The following ATP1A2 variants were observed in gnomAD, a reference collection of about 807,000 sequenced individuals.
The protein encoded by ATP1A2 is sodium/potassium-transporting ATPase subunit alpha-2.
ATP1A2 carries 56 observed loss-of-function variants against 113.1 expected under a neutral mutation model. The ratio of observed to expected loss-of-function variants is 0.49; its 90% CI spans 0.40 to 0.62. The LOEUF (loss-of-function observed/expected upper bound fraction) is 0.62. Ranked by LOEUF, ATP1A2 falls within the 20% of genes least tolerant of loss-of-function variation. The pLI, the probability that ATP1A2 is intolerant of heterozygous loss-of-function variation, is 0.00. For synonymous variants in ATP1A2, 490 were observed against 526.8 expected, an observed-to-expected ratio of 0.93 and a Z score of 0.96; for missense variants, 712 against 1,357.8, an observed-to-expected ratio of 0.52 and a Z score of 7.47.
chr1:160,119,256 CAAAAAA>C lies in ATP1A2; in HGVS notation c.13-1628_13-1623del, dbSNP rs386368465. ...AAACCCCCAAAACTGCATTATCCTG[CAAAAAA>C]AAAAAAAAAAAAAAAAAAAAAGCAA... On this transcript the variant is annotated intron_variant, in intron 1 of 22. Coordinates refer to ENST00000361216, the MANE Select transcript of ATP1A2 (RefSeq NM_000702.4). 7.8e-3 allele frequency among the ~76,000 whole-genome samples: 385 copies of C among 49,424 alleles called. 3 individuals are homozygous for C. The highest frequency in any genetic ancestry group is 0.022 in the African/African-American group (218 of 10,050). 32.4% of individuals were successfully genotyped at this position (49,424 alleles called of 152,430 possible). A position where few individuals can be genotyped will look rare whatever the true frequency, so the allele number is the denominator to read the frequency against.
intron 13 of ATP1A2, among the ~76,000 whole-genome samples, chr1:160,131,809 C>T (rs1651784221): frequency 6.7e-6 from 1 of 149,028 alleles, no homozygotes; most frequent in African/African-American, 2.5e-5. Context: ...CCAGCCTAGG[C>T]GACAAGAGCA....
At chr1:160,127,379 C>T (rs951010396) in intron 7 of ATP1A2, among the ~76,000 whole-genome samples, 173 bp from the exon 8 acceptor site, 6 of 152,208 alleles carry the variant, frequency 3.9e-5, no homozygotes, top group Non-Finnish European at 7.3e-5. Flanking sequence ...CAAGGATTGG[C>T]GATCTATCCA....
rs1424933764 is a variant in ATP1A2, at chr1:160,135,430, C to A, written c.2116-4C>A. On this transcript the variant is annotated splice_region_variant and splice_polypyrimidine_tract_variant and intron_variant, in intron 15 of 22. Coordinates refer to ENST00000361216, the MANE Select transcript of ATP1A2 (RefSeq NM_000702.4). This position sits in a 1 kb window ranked among gnomAD's most constrained non-coding sequence, Gnocchi z 6.3. ...GTCCTCAAGTGTGGCCGTCTTCCCT[C>A]CAGGGAGCCATTGTGGCCGTGACGG... 6.2e-7 allele frequency: 1 copy of A among 1,614,148 alleles called. No homozygotes were observed. Among genetic ancestry groups the A allele is most frequent in the South Asian group, 1.1e-5 (1 of 91,070 alleles).
Position 160,136,641 on chromosome 1 carries a change from C to T in ATP1A2, c.2635C>T (p.Arg879Trp), listed in dbSNP as rs753568745. Residue 879 changes from arginine to tryptophan, a missense_variant, in exon 19 of 23, where the codon CGG becomes TGG. Physicochemically the swap from Arg to Trp is moderately radical, Grantham distance 101. Around this residue, in one of 6 missense-constraint regions of ATP1A2, gnomAD observed 188 missense variants for 438.9 expected, o/e 0.43. Transcript: ENST00000361216. ...GGCAGAGAACGGTTTCCTGCCATCA[C>T]GGCTACTGGGAATCCGCCTCGACTG... Reference protein sequence around the residue: ...ILAENGFLPSRLLGIRLDWDD... With the variant: ...ILAENGFLPSWLLGIRLDWDD... 8.1e-6 allele frequency: 13 copies of T among 1,614,244 alleles called. No individual in the cohort carries two copies. Among genetic ancestry groups the T allele is most frequent in the Non-Finnish European group, 1.0e-5 (12 of 1,180,040 alleles).
intron 6 of ATP1A2, 112 bp from the exon 7 acceptor site, chr1:160,125,024 C>A (rs1651539833): frequency 1.2e-6 from 1 of 863,998 alleles, no homozygotes; most frequent in Admixed American, 1.8e-5. Context: ...GCAAGTGTGA[C>A]TTTGTTCCTC....
At chr1:160,122,420 G>GA (rs112709297) in intron 3 of ATP1A2, among the ~76,000 whole-genome samples, 36,086 of 137,004 alleles carry the variant, frequency 0.26, 4,857 homozygotes, top group Middle Eastern at 0.34. Flanking sequence ...ATGAATGAAT[G>GA]AAAAAAAAAA....
At chr1:160,136,176 A>C in intron 17 of ATP1A2, 71 bp from the exon 18 acceptor site, 1 of 1,608,536 alleles carries the variant, frequency 6.2e-7, no homozygotes, top group Non-Finnish European at 8.5e-7. Context: ...TCACTGTCGA[A>C]GATCAATTGC....
intron 13 of ATP1A2, among the ~76,000 whole-genome samples, chr1:160,134,109 CACAAATCCCCACCCCACAT>C: frequency 1.4e-5 from 2 of 141,998 alleles, no homozygotes; most frequent in African/African-American, 2.6e-5. Context: ...CGCACACATA[CACAAATCCCCACCCCACAT>C]ACACACACAC....
chr1:160,121,333 T>C (rs1651391688), intron 3 of ATP1A2, 82 bp downstream of exon 3: 2 of 1,497,816 alleles, frequency 1.3e-6, no homozygotes, highest in Admixed American at 3.3e-5. Context: ...CTTAAAACTG[T>C]AATCCAGCCT....
chr1:160,129,954 A>AC, intron 11 of ATP1A2, 148 bp from the exon 12 acceptor site: 1 of 985,616 alleles, frequency 1.0e-6, no homozygotes, highest in Non-Finnish European at 1.6e-6. Context: ...AGGTCTAAAC[A>AC]CCCCCCTGCA....
chr1:160,135,568 C>T lies in ATP1A2; in HGVS notation c.2250C>T (p.Asp750=), dbSNP rs1651910643. Residue 750 remains aspartate (D), a synonymous_variant, in exon 16 of 23, where the codon GAC becomes GAT. Transcript: ENST00000361216. The surrounding 1 kb of genome is among the most constrained non-coding windows in gnomAD (Gnocchi z 6.3). ...CAGCCGACATGATCCTGCTGGATGA[C>T]AACTTTGCCTCCATCGTCACGGGGG... The part of the protein sequence containing the change: ...KQAADMILLD[D]NFASIVTGVE... 6.2e-7 allele frequency: 1 copy of T among 1,614,040 alleles called. No individual in the cohort carries two copies. Among genetic ancestry groups the T allele is most frequent in the Non-Finnish European group, 8.5e-7 (1 of 1,180,026 alleles).
chr1:160,119,520 T>C (rs990275154), intron 1 of ATP1A2, among the ~76,000 whole-genome samples: 3 of 152,026 alleles, frequency 2.0e-5, no homozygotes, highest in African/African-American at 4.8e-5. Flanking sequence ...AGGTACCTTT[T>C]TGGGAACTTT....
intron 13 of ATP1A2, among the ~76,000 whole-genome samples, chr1:160,134,077 CCACACACACA>C (rs1651847101): frequency 1.3e-5 from 2 of 148,886 alleles, no homozygotes; most frequent in Non-Finnish European, 3.0e-5. Flanking sequence ...TCCCCACCCC[CCACACACACA>C]TCTCACACAC....
Position 160,141,544 on chromosome 1 carries a change from C to T in ATP1A2, c.*222C>T, listed in dbSNP as rs1558011100. On this transcript the variant is annotated 3_prime_UTR_variant, in exon 23 of 23. Coordinates refer to ENST00000361216, the MANE Select transcript of ATP1A2 (RefSeq NM_000702.4). ...CAGATTAGACACTATGTGTTAGAGT[C>T]CCCCCGACCAGATCCTTTTCCATCC... The T allele has an allele frequency of 8.1e-6, 5 of 614,870 alleles. No individual in the cohort carries two copies. The South Asian group carries it at 9.2e-5, about 11-fold the overall frequency. 38.1% of individuals were successfully genotyped at this position (614,870 alleles called of 1,614,324 possible). A position where few individuals can be genotyped will look rare whatever the true frequency, so the allele number is the denominator to read the frequency against.
chr1:160,136,117 G>A, intron 17 of ATP1A2, 124 bp downstream of exon 17: 1 of 1,599,392 alleles, frequency 6.3e-7, no homozygotes, highest in African/African-American at 1.3e-5. Context: ...CACAGGCCTG[G>A]AAGACAATGG....
intron 1 of ATP1A2, 108 bp from the exon 2 acceptor site, chr1:160,120,798 T>C: frequency 1.2e-5 from 14 of 1,176,366 alleles, no homozygotes; most frequent in Non-Finnish European, 1.6e-5. Context: ...AGGCAGCCGC[T>C]GCTTTTGAAC....
intron 1 of ATP1A2, among the ~76,000 whole-genome samples, chr1:160,117,636 A>G (rs1404069675): frequency 1.3e-5 from 2 of 152,054 alleles, no homozygotes; most frequent in Non-Finnish European, 2.9e-5. Flanking sequence ...GGCATCTGAC[A>G]CCCACAACCT....
chr1:160,130,550 G>C lies in ATP1A2; in HGVS notation c.1780G>C (p.Ala594Pro). Residue 594 changes from alanine to proline, a missense_variant, in exon 13 of 23, where the codon GCT (alanine) becomes CCT (proline). This residue lies in a region of ATP1A2 where 263 missense variants were observed against 380.6 expected (regional missense o/e 0.69). Transcript: ENST00000361216. ...CATGTCTATGATTGACCCTCCCCGGGCTGCTGTGCCAGATGCTGTGGGCAA... is the reference window on the plus strand; with the variant it reads ...CATGTCTATGATTGACCCTCCCCGGCCTGCTGTGCCAGATGCTGTGGGCAA... ...GLMSMIDPPR[A>P]AVPDAVGKCR... 3 of 1,614,226 alleles carry C rather than the reference G, an allele frequency of 1.9e-6. No homozygotes were observed. The highest frequency in any genetic ancestry group is 2.5e-6 in the Non-Finnish European group (3 of 1,180,032).
intron 8 of ATP1A2, chr1:160,128,295 A>G (rs1295509593): frequency 2.0e-6 from 1 of 499,048 alleles, no homozygotes; most frequent in Non-Finnish European, 3.8e-6. Flanking sequence ...CCCTACACTG[A>G]TTCTCAGGCC....
Sources: gnomAD v4.1 joint callset for allele counts (sites outside exome capture counted in the v4.1 genomes callset) on GRCh38, gnomAD v4.1.1 for gene constraint, gnomAD v4.1.1 regional missense constraint, Gnocchi (gnomAD v3.1) non-coding constraint, MANE v1.5 for transcripts, NCBI Gene and HGNC (gene_info 2026-07-23, HGNC 2026-07-21) for gene names.